Variants in FRMD4A observed in about 807,000 individuals in gnomAD.
The protein encoded by FRMD4A is FERM domain-containing protein 4A.
A neutral mutation model predicts 129.1 loss-of-function variants in FRMD4A; 29 were observed. That is an observed-to-expected ratio of 0.22 (90% CI 0.17 to 0.31). The LOEUF (loss-of-function observed/expected upper bound fraction) is 0.31, where lower values mean the gene tolerates loss of function less well. Among genes scored for constraint, FRMD4A ranks in the 10% least tolerant of loss-of-function variants. The pLI is 1.00. For missense variants in FRMD4A, 1,272 were observed against 1,375.8 expected, an observed-to-expected ratio of 0.92 and a Z score of 1.19; for synonymous variants, 634 against 571.6, an observed-to-expected ratio of 1.11 and a Z score of -1.56.
At chr10:14,186,896 G>A (rs1842161541) in intron 2 of FRMD4A, among the ~76,000 whole-genome samples, 2 of 151,474 alleles carry the variant, frequency 1.3e-5, no homozygotes, top group African/African-American at 2.4e-5. Flanking sequence ...AGGGAGGGAA[G>A]ACTGCTTGAG....
intron 15 of FRMD4A, 28 bp downstream of exon 15, chr10:13,693,870 G>A (rs555147984): frequency 3.1e-6 from 5 of 1,607,446 alleles, no homozygotes; most frequent in Admixed American, 3.4e-5. Flanking sequence ...ATGCTCAGGG[G>A]GCGTCCCTCC....
At chr10:14,280,786 C>A (rs1019146826) in intron 2 of FRMD4A, among the ~76,000 whole-genome samples, 3 of 152,072 alleles carry the variant, frequency 2.0e-5, no homozygotes, top group Non-Finnish European at 4.4e-5. Context: ...AAGTTTTGGG[C>A]TCCCTCTGAT....
chr10:13,777,569 A>T (rs7916204), intron 6 of FRMD4A, among the ~76,000 whole-genome samples: 148,323 of 152,170 alleles, frequency 0.97, 72,292 homozygotes, highest in East Asian at 1. Flanking sequence ...GGGACCTTGA[A>T]CCTAAATGTG....
intron 15 of FRMD4A, chr10:13,685,083 T>C (rs2084951071): frequency 4.1e-6 from 4 of 984,892 alleles, no homozygotes; most frequent in African/African-American, 3.5e-5. Flanking sequence ...TAATGCCACA[T>C]TGCAGACTGC....
intron 2 of FRMD4A, among the ~76,000 whole-genome samples, chr10:14,118,555 T>C (rs1838321365): frequency 1.3e-5 from 2 of 152,170 alleles, no homozygotes; most frequent in Admixed American, 1.3e-4. Context: ...AATAAAGGCA[T>C]ACCTGAGGCT....
intron 2 of FRMD4A, among the ~76,000 whole-genome samples, chr10:14,115,803 G>T (rs1233645879): frequency 6.6e-6 from 1 of 152,172 alleles, no homozygotes; most frequent in East Asian, 1.9e-4. Flanking sequence ...CCAGTGCCAT[G>T]GTTCTTGTCT....
chr10:13,696,178 G>A (rs962053273), intron 14 of FRMD4A, among the ~76,000 whole-genome samples: 1 of 152,172 alleles, frequency 6.6e-6, no homozygotes, highest in Admixed American at 6.5e-5. Context: ...CCAGGCCCTC[G>A]AAGGATTTTG....
intron 2 of FRMD4A, among the ~76,000 whole-genome samples, chr10:14,067,846 C>A (rs1221598027): frequency 6.6e-6 from 1 of 151,904 alleles, no homozygotes; most frequent in South Asian, 2.1e-4. Flanking sequence ...AACAAAAAAC[C>A]AAAAACACTG....
chr10:13,764,846 T>G (rs2092223301), intron 6 of FRMD4A, among the ~76,000 whole-genome samples: 1 of 152,176 alleles, frequency 6.6e-6, no homozygotes, highest in Admixed American at 6.5e-5. Flanking sequence ...GACCCTGTGC[T>G]TTTACTGAGA....
chr10:14,304,328 C>T (rs1760484508), intron 2 of FRMD4A, among the ~76,000 whole-genome samples: 1 of 152,180 alleles, frequency 6.6e-6, no homozygotes, highest in Non-Finnish European at 1.5e-5. Flanking sequence ...TTATCATTGC[C>T]ATCCTGATGG....
intron 15 of FRMD4A, among the ~76,000 whole-genome samples, chr10:13,679,455 A>AT (rs1403427851): frequency 2.1e-3 from 191 of 89,646 alleles, no homozygotes; most frequent in African/African-American, 2.8e-3. Flanking sequence ...AAAAAAAAAA[A>AT]AAAAAATATA....
intron 2 of FRMD4A, among the ~76,000 whole-genome samples, chr10:14,253,147 G>C (rs746792522): frequency 8.5e-5 from 13 of 152,128 alleles, no homozygotes; most frequent in Non-Finnish European, 1.6e-4. Flanking sequence ...TCTTTTATTA[G>C]AGCAGAGATT....
chr10:13,704,814 T>A (rs1351864650), intron 13 of FRMD4A, among the ~76,000 whole-genome samples: 2 of 151,790 alleles, frequency 1.3e-5, no homozygotes, highest in African/African-American at 4.8e-5. Flanking sequence ...CTCACGCCTG[T>A]AATCCCAGCA....
At chr10:13,709,061 C>CAAGCGCTTGA (rs1185377364) in intron 12 of FRMD4A, among the ~76,000 whole-genome samples, 1 of 152,174 alleles carries the variant, frequency 6.6e-6, no homozygotes, top group Admixed American at 6.5e-5. Flanking sequence ...CTCTCGGGTT[C>CAAGCGCTTGA]AAGCGATTCT....
At chr10:13,843,908 TC>T (rs1369771625) in intron 3 of FRMD4A, among the ~76,000 whole-genome samples, 3 of 152,210 alleles carry the variant, frequency 2.0e-5, no homozygotes, top group African/African-American at 7.2e-5. Flanking sequence ...TCAAGGAGCC[TC>T]TAGAACTTAC....
intron 12 of FRMD4A, among the ~76,000 whole-genome samples, chr10:13,730,220 C>CGAGGGG (rs2135017588): frequency 1.3e-5 from 2 of 152,304 alleles, no homozygotes; most frequent in South Asian, 4.1e-4. Context: ...GTAAGGACCC[C>CGAGGGG]TCCCCTACAG....
chr10:13,682,215 C>A (rs1193914547), intron 15 of FRMD4A, among the ~76,000 whole-genome samples: 1 of 152,122 alleles, frequency 6.6e-6, no homozygotes, highest in African/African-American at 2.4e-5. Context: ...CAAAGCAAGA[C>A]CCCGTCTGAA....
At chr10:14,239,356 G>T (rs573979724) in intron 2 of FRMD4A, among the ~76,000 whole-genome samples, 4 of 152,120 alleles carry the variant, frequency 2.6e-5, no homozygotes, top group African/African-American at 4.8e-5. Context: ...GGCCGGACGC[G>T]GTGGCTCACT....
intron 2 of FRMD4A, among the ~76,000 whole-genome samples, chr10:13,897,417 A>C (rs972620143): frequency 6.6e-6 from 1 of 152,130 alleles, no homozygotes; most frequent in African/African-American, 2.4e-5. Flanking sequence ...TCTTAAAGAG[A>C]GGAGAGGTGC....
Sources: allele counts gnomAD v4.1 joint callset (sites outside exome capture counted in the v4.1 genomes callset), GRCh38; gene constraint gnomAD v4.1.1; transcripts MANE v1.5; gene names NCBI Gene and HGNC (gene_info 2026-07-23, HGNC 2026-07-21).